The following PRORP variants were observed in gnomAD, a reference collection of about 807,000 sequenced individuals.
PRORP encodes protein only RNase P catalytic subunit.
In PRORP, 51 loss-of-function variants were observed where a neutral mutation model predicts 59.4. The observed-to-expected ratio is 0.86, with a 90% CI of 0.69 to 1.08. PRORP has a LOEUF of 1.08. Among genes scored for constraint, PRORP ranks in the 50% least tolerant of loss-of-function variants. The probability of loss-of-function intolerance (pLI) is 0.00; values close to 1 mark genes in which losing one functional copy is unlikely to be tolerated. For synonymous variants in PRORP, 231 were observed against 245.6 expected (o/e 0.94, Z 0.55); for missense variants, 646 against 690.3 (o/e 0.94, Z 0.72).
intron 5 of PRORP, among the ~76,000 whole-genome samples, chr14:35,247,246 G>A (rs1407235028): frequency 6.6e-6 from 1 of 151,978 alleles, no homozygotes; most frequent in Non-Finnish European, 1.5e-5. Flanking sequence ...TCCTTCCACC[G>A]CAGAGCTGCA....
At chr14:35,161,734 A>G (rs1314766375) in intron 4 of PRORP, among the ~76,000 whole-genome samples, 2 of 152,204 alleles carry the variant, frequency 1.3e-5, no homozygotes, top group Non-Finnish European at 2.9e-5. Context: ...AAAATAATAT[A>G]GCTGATTCTG....
intron 4 of PRORP, among the ~76,000 whole-genome samples, chr14:35,164,856 G>A (rs998474701): frequency 1.3e-5 from 2 of 152,168 alleles, no homozygotes; most frequent in Non-Finnish European, 2.9e-5. Context: ...GGAGGGAGTA[G>A]GGGAGTGGGA....
In PRORP at chr14:35,123,390, A is replaced by C; in HGVS notation, c.145A>C (p.Lys49Gln). 6.2e-7 allele frequency: 1 copy of C among 1,614,176 alleles called. No homozygotes were observed. Among genetic ancestry groups the C allele is most frequent in the Non-Finnish European group, 8.5e-7 (1 of 1,180,024 alleles). Residue 49 changes from lysine to glutamine, a missense_variant, in exon 2 of 8, where the codon AAA (lysine) becomes CAA (glutamine). Lys to Gln is a moderately conservative substitution (Grantham distance 53). Coordinates refer to ENST00000534898, the MANE Select transcript of PRORP (RefSeq NM_014672.4). ...GAACCAGCAGAGGTTGTTTTCTCTT[A>C]AAACAATGTCTCCACAGAATACCAA... ...IRNQQRLFSL[K>Q]TMSPQNTKAT...
chr14:35,234,751 T>A (rs769255423), intron 5 of PRORP, among the ~76,000 whole-genome samples: 4 of 151,482 alleles, frequency 2.6e-5, no homozygotes, highest in Non-Finnish European at 5.9e-5. Flanking sequence ...TGATCATAGC[T>A]TACTGTAGCC....
intron 5 of PRORP, among the ~76,000 whole-genome samples, chr14:35,192,293 G>A (rs1312635401): frequency 1.3e-5 from 2 of 152,118 alleles, no homozygotes; most frequent in Non-Finnish European, 2.9e-5. Flanking sequence ...ATTATTATCA[G>A]CACCTCAAAG....
intron 4 of PRORP, among the ~76,000 whole-genome samples, chr14:35,176,217 A>G (rs1001855070): frequency 6.6e-6 from 1 of 152,128 alleles, no homozygotes; most frequent in Non-Finnish European, 1.5e-5. Context: ...TTGTCTTGGC[A>G]ATGCAGGCTC....
intron 5 of PRORP, among the ~76,000 whole-genome samples, chr14:35,230,550 T>C (rs1462571548): frequency 6.6e-6 from 1 of 152,218 alleles, no homozygotes; most frequent in African/African-American, 2.4e-5. Flanking sequence ...TTAGTAAGTA[T>C]TCATCGAGTA....
At chr14:35,262,728 A>G in intron 5 of PRORP, 1 of 887,518 alleles carries the variant, frequency 1.1e-6, no homozygotes, top group Non-Finnish European at 1.9e-6. Flanking sequence ...CTTCCATTAC[A>G]GGATGAGGTC....
At chr14:35,266,326 A>G (rs1220068566) in intron 5 of PRORP, among the ~76,000 whole-genome samples, 18 of 152,000 alleles carry the variant, frequency 1.2e-4, no homozygotes, top group African/African-American at 3.9e-4. Flanking sequence ...TCAAAAAAAA[A>G]AAAAAAAAAT....
At chr14:35,203,716 G>A (rs2049217275) in intron 5 of PRORP, among the ~76,000 whole-genome samples, 1 of 151,866 alleles carries the variant, frequency 6.6e-6, no homozygotes, top group South Asian at 2.1e-4. Context: ...TACAAAAAAT[G>A]AGCCGGGCAA....
At chr14:35,224,439 A>G (rs534701186) in intron 5 of PRORP, among the ~76,000 whole-genome samples, 3 of 152,302 alleles carry the variant, frequency 2.0e-5, no homozygotes, top group East Asian at 3.9e-4. Context: ...GATGGGAACT[A>G]CTACCAGTTC....
intron 4 of PRORP, among the ~76,000 whole-genome samples, chr14:35,141,883 AT>A (rs1210723866): frequency 3.6e-4 from 48 of 132,728 alleles, no homozygotes; most frequent in East Asian, 8.2e-4. Flanking sequence ...CACCTGGGCA[AT>A]TTTTTTTTTT....
intron 5 of PRORP, among the ~76,000 whole-genome samples, chr14:35,192,439 C>T (rs557655581): frequency 6.6e-6 from 1 of 152,234 alleles, no homozygotes; most frequent in African/African-American, 2.4e-5. Flanking sequence ...ACTGTCTTTG[C>T]CTGGATTGTC....
intron 4 of PRORP, among the ~76,000 whole-genome samples, chr14:35,131,384 A>AT (rs2047233338): frequency 6.6e-6 from 1 of 152,206 alleles, no homozygotes; most frequent in Admixed American, 6.5e-5. Context: ...TGCATATACT[A>AT]TTCTGGGGTA....
intron 4 of PRORP, among the ~76,000 whole-genome samples, chr14:35,169,756 C>G (rs994717917): frequency 2.0e-5 from 3 of 152,218 alleles, no homozygotes; most frequent in African/African-American, 7.2e-5. Flanking sequence ...CAAACCATAT[C>G]AATGGCCTAC....
At chr14:35,260,874 T>G (rs1196655246) in intron 5 of PRORP, among the ~76,000 whole-genome samples, 1 of 152,360 alleles carries the variant, frequency 6.6e-6, no homozygotes, top group South Asian at 2.1e-4. Context: ...AAGATCCTCC[T>G]GCTTTACCCC....
chr14:35,169,303 T>G (rs1429718010), intron 4 of PRORP, among the ~76,000 whole-genome samples: 4 of 152,126 alleles, frequency 2.6e-5, no homozygotes, highest in Non-Finnish European at 5.9e-5. Flanking sequence ...GTTTTTTGTT[T>G]AAGTGTGTGT....
At chr14:35,263,516 G>T (rs564407573) in intron 5 of PRORP, among the ~76,000 whole-genome samples, 4 of 150,124 alleles carry the variant, frequency 2.7e-5, no homozygotes, top group Admixed American at 1.3e-4. Flanking sequence ...GTGAAACTCC[G>T]TCTCTACTAA....
chr14:35,203,418 T>C (rs1483299868), intron 5 of PRORP, among the ~76,000 whole-genome samples: 1 of 152,104 alleles, frequency 6.6e-6, no homozygotes, highest in East Asian at 1.9e-4. Context: ...TCCCAGCTAC[T>C]TGGGAGGCTG....
Sources: gnomAD v4.1 joint callset for allele counts (sites outside exome capture counted in the v4.1 genomes callset) on GRCh38, gnomAD v4.1.1 for gene constraint, MANE v1.5 for transcripts, NCBI Gene and HGNC (gene_info 2026-07-23, HGNC 2026-07-21) for gene names.